VSTM2A: variants seen among roughly 807,000 people sequenced by gnomAD.
VSTM2A encodes the protein V-set and transmembrane domain-containing protein 2A.
A neutral mutation model predicts 27.3 loss-of-function variants in VSTM2A; 13 were observed. The observed-to-expected ratio is 0.48, with a 90% CI of 0.31 to 0.76. VSTM2A has a LOEUF of 0.76. VSTM2A is among the 30% of genes least tolerant of loss of function. VSTM2A has a pLI of 0.05. For missense variants in VSTM2A, 280 were observed against 310.0 expected (o/e 0.90, Z 0.73); for synonymous variants, 142 against 125.7 (o/e 1.13, Z -0.87).
At chr7:54,542,863 T>C in intron 1 of VSTM2A, 54 bp downstream of exon 1, 12 of 1,522,954 alleles carry the variant, frequency 7.9e-6, no homozygotes, top group South Asian at 1.1e-5. Context: ...GTGTGTTTCC[T>C]ACACTCAAAA....
At position 54,570,879 on chromosome 7, in the gene VSTM2A, C is replaced by T. The variant is rs1483220818; in HGVS notation, c.*1660C>T. The T allele has an allele frequency of 6.6e-6, 1 of 152,146 alleles. No individual in the cohort carries two copies. Among genetic ancestry groups the T allele is most frequent in the African/African-American group, 2.4e-5 (1 of 41,442 alleles). The allele number at this position is 152,146 out of a possible 1,614,324, so 9.4% of individuals were successfully genotyped here. The stretch of plus-strand genomic sequence containing the variant: ...CGAAGCTTGAAGGCAATCAGTACCT[C>T]TGCTTTTCAAAGGTAAATGCATTCA... On this transcript the variant is annotated 3_prime_UTR_variant, in exon 5 of 5. Coordinates refer to ENST00000402613, the MANE Select transcript of VSTM2A (RefSeq NM_001301009.2).
chr7:54,549,994 A>G lies in VSTM2A; in HGVS notation c.458A>G (p.His153Arg), dbSNP rs750734687. Residue 153 changes from histidine (H) to arginine (R), a missense_variant, in exon 4 of 5, where the codon CAT becomes CGT. Coordinates refer to ENST00000402613, the MANE Select transcript of VSTM2A (RefSeq NM_001301009.2). ...QAYLKVNANS[H>R]ARRMQAFEAS... ...TATCTGAAAGTCAATGCCAACAGCC[A>G]TGCCCGCAGAATGCAGGCCTTCGAA... The G allele has an allele frequency of 4.3e-6, 7 of 1,613,198 alleles. No homozygotes were observed. The highest frequency in any genetic ancestry group is 3.4e-6 in the Non-Finnish European group (4 of 1,179,530).
chr7:54,566,730 CAT>C (rs1054247312), intron 4 of VSTM2A, among the ~76,000 whole-genome samples: 77 of 152,312 alleles, frequency 5.1e-4, no homozygotes, highest in Admixed American at 3.8e-3. Context: ...CTTTTGGAAA[CAT>C]GTGGAAATAG....
chr7:54,547,750 A>G (rs1433955781), intron 3 of VSTM2A, among the ~76,000 whole-genome samples: 1 of 152,182 alleles, frequency 6.6e-6, no homozygotes, highest in Non-Finnish European at 1.5e-5. Context: ...TTAAGCATAA[A>G]CATATTGTTA....
intron 4 of VSTM2A, 174 bp downstream of exon 4, chr7:54,550,344 C>T: frequency 6.9e-7 from 1 of 1,451,094 alleles, no homozygotes; most frequent in East Asian, 2.5e-5. Flanking sequence ...ACTCAGAGCT[C>T]AAAGCATGTG....
In VSTM2A at chr7:54,542,851, G is replaced by A. The variant is rs767636905; in HGVS notation, c.79+42G>A. On this transcript the variant is annotated intron_variant, in intron 1 of 4. Transcript: ENST00000402613. ...GGCAAATATACATTTGCTTGCGTGT[G>A]TGTGTGTTTCCTACACTCAAAAAGA... 5.1e-6 allele frequency: 8 copies of A among 1,569,914 alleles called. No individual in the cohort carries two copies. In the South Asian group the frequency reaches 7.9e-5, roughly 15 times the overall value.
intron 4 of VSTM2A, among the ~76,000 whole-genome samples, chr7:54,568,312 T>C (rs186645129): frequency 5.4e-4 from 83 of 152,314 alleles, no homozygotes; most frequent in African/African-American, 1.5e-3. Flanking sequence ...TTAATCTTTC[T>C]CCAGTTAAAA....
intron 4 of VSTM2A, among the ~76,000 whole-genome samples, chr7:54,568,023 A>G (rs1480143742): frequency 6.6e-6 from 1 of 152,168 alleles, no homozygotes; most frequent in Non-Finnish European, 1.5e-5. Flanking sequence ...TCCAGTCACT[A>G]GGTTTCTGTG....
chr7:54,550,000 G>A lies in VSTM2A; in HGVS notation c.464G>A (p.Arg155His), dbSNP rs376525790. 2.8e-5 allele frequency: 45 copies of A among 1,612,514 alleles called. 1 individual carries two copies. The highest frequency in any genetic ancestry group is 5.5e-5 in the South Asian group (5 of 90,770). Residue 155 changes from arginine to histidine, a missense_variant, in exon 4 of 5, where the codon CGC (arginine) becomes CAC (histidine). Transcript: ENST00000402613. Reference protein sequence around the residue: ...YLKVNANSHARRMQAFEASPM... With the variant: ...YLKVNANSHAHRMQAFEASPM... The stretch of plus-strand genomic sequence containing the variant: ...AAAGTCAATGCCAACAGCCATGCCC[G>A]CAGAATGCAGGCCTTCGAAGCCTCG...
chr7:54,546,713 CCGGGGAAAGCG>C, intron 2 of VSTM2A: 2 of 507,080 alleles, frequency 3.9e-6, no homozygotes, highest in Non-Finnish European at 6.9e-6. Context: ...CGGGACAGCC[CCGGGGAAAGCG>C]CGGGGACGGC....
At chr7:54,553,369 T>A (rs1289617805) in intron 4 of VSTM2A, among the ~76,000 whole-genome samples, 2 of 152,242 alleles carry the variant, frequency 1.3e-5, no homozygotes, top group Non-Finnish European at 2.9e-5. Flanking sequence ...TTGCAATCCC[T>A]TTGAAGTTTG....
At chr7:54,543,076 G>GGT (rs1277037154) in intron 1 of VSTM2A, among the ~76,000 whole-genome samples, 4 of 151,698 alleles carry the variant, frequency 2.6e-5, no homozygotes, top group Non-Finnish European at 4.4e-5. Context: ...TGTGTGTGTG[G>GGT]GTGTGTGTGT....
At chr7:54,546,404 G>A (rs1326784120) in intron 2 of VSTM2A, among the ~76,000 whole-genome samples, 1 of 151,976 alleles carries the variant, frequency 6.6e-6, no homozygotes, top group African/African-American at 2.4e-5. Flanking sequence ...GCCCCTGCGA[G>A]CCAGCAAGAG....
chr7:54,560,988 T>C (rs1442221690), intron 4 of VSTM2A, among the ~76,000 whole-genome samples: 1 of 152,204 alleles, frequency 6.6e-6, no homozygotes, highest in African/African-American at 2.4e-5. Flanking sequence ...GCCTTGTATA[T>C]AATCTTTTAT....
intron 4 of VSTM2A, among the ~76,000 whole-genome samples, chr7:54,564,333 C>T (rs544266138): frequency 1.3e-5 from 2 of 152,206 alleles, no homozygotes; most frequent in Admixed American, 1.3e-4. Flanking sequence ...TTTCTTGCTC[C>T]TTTTGATTAC....
intron 4 of VSTM2A, among the ~76,000 whole-genome samples, chr7:54,563,210 A>T (rs1788615902): frequency 6.6e-6 from 1 of 152,194 alleles, no homozygotes; most frequent in African/African-American, 2.4e-5. Flanking sequence ...GCCAGATGAA[A>T]TTATGATGCA....
chr7:54,562,408 G>C (rs1270530648), intron 4 of VSTM2A, among the ~76,000 whole-genome samples: 1 of 151,826 alleles, frequency 6.6e-6, no homozygotes, highest in Non-Finnish European at 1.5e-5. Context: ...TTCCTGCTTT[G>C]ATGAGAGATT....
intron 4 of VSTM2A, 138 bp downstream of exon 4, chr7:54,550,308 G>T: frequency 6.7e-7 from 1 of 1,484,792 alleles, no homozygotes; most frequent in Non-Finnish European, 9.0e-7. Flanking sequence ...GATTATGAGA[G>T]GTGAGCACCG....
intron 4 of VSTM2A, among the ~76,000 whole-genome samples, chr7:54,568,729 C>T (rs1287060850): frequency 1.3e-5 from 2 of 152,046 alleles, no homozygotes; most frequent in Non-Finnish European, 2.9e-5. Context: ...GAATGATCCT[C>T]AAGGAATTAC....
Sources: gnomAD v4.1 joint callset for allele counts (sites outside exome capture counted in the v4.1 genomes callset) on GRCh38, gnomAD v4.1.1 for gene constraint, MANE v1.5 for transcripts, NCBI Gene and HGNC (gene_info 2026-07-23, HGNC 2026-07-21) for gene names.